The following TRAPPC9 variants were observed in gnomAD, a reference collection of about 807,000 sequenced individuals.
The protein encoded by TRAPPC9 is trafficking protein particle complex subunit 9, also known as IKK2 binding protein.
A neutral mutation model predicts 124.0 loss-of-function variants in TRAPPC9; 83 were observed. The ratio of observed to expected loss-of-function variants is 0.67; its 90% CI spans 0.56 to 0.80. The LOEUF (loss-of-function observed/expected upper bound fraction) is 0.80. Ranked by LOEUF, TRAPPC9 falls within the 30% of genes least tolerant of loss-of-function variation. TRAPPC9 has a pLI of 0.00. For synonymous variants in TRAPPC9, 638 were observed against 617.5 expected, an observed-to-expected ratio of 1.03 and a Z score of -0.49; for missense variants, 1,302 against 1,508.3, an observed-to-expected ratio of 0.86 and a Z score of 2.27.
At chr8:140,119,356 G>A (rs2060945068) in intron 17 of TRAPPC9, among the ~76,000 whole-genome samples, 1 of 152,180 alleles carries the variant, frequency 6.6e-6, no homozygotes, top group Non-Finnish European at 1.5e-5. Context: ...GTCCTTTCAG[G>A]ATGGCCCCTC....
Position 140,192,417 on chromosome 8 carries a change from C to T in TRAPPC9, c.2556+29042G>A, listed in dbSNP as rs565523296. 2.0e-5 allele frequency among the ~76,000 whole-genome samples: 3 copies of T among 152,348 alleles called. No individual in the cohort carries two copies. In the South Asian group the frequency reaches 6.2e-4, roughly 32 times the overall value. On this transcript the variant is annotated intron_variant, in intron 17 of 22. Coordinates refer to ENST00000438773, the MANE Select transcript of TRAPPC9 (RefSeq NM_001160372.4). ...AGAAGAAGTCACTGGCTGACTTCTG[C>T]AGTCAACAGGCCCAATCGTCCACAG...
chr8:140,209,420 CAAGG>C (rs1004242010), intron 17 of TRAPPC9, among the ~76,000 whole-genome samples: 2 of 152,184 alleles, frequency 1.3e-5, no homozygotes, highest in Non-Finnish European at 2.9e-5. Context: ...GACAGGAACT[CAAGG>C]AACAGGCCGT....
intron 21 of TRAPPC9, among the ~76,000 whole-genome samples, chr8:139,739,964 G>A (rs1423830379): frequency 5.3e-5 from 8 of 152,184 alleles, no homozygotes; most frequent in African/African-American, 1.9e-4. Context: ...AGGTTTGAAC[G>A]CTGGCCCCAC....
intron 20 of TRAPPC9, chr8:139,904,680 T>G (rs985012233): frequency 2.0e-5 from 3 of 152,230 alleles, no homozygotes; most frequent in African/African-American, 7.2e-5. Flanking sequence ...CTACCTGCTT[T>G]GCAGGTCTGA....
intron 21 of TRAPPC9, among the ~76,000 whole-genome samples, chr8:139,853,178 C>G (rs567794183): frequency 3.9e-5 from 6 of 152,316 alleles, no homozygotes; most frequent in African/African-American, 1.2e-4. Context: ...CCAGATGGTT[C>G]TGGCCAGCCT....
At chr8:139,844,484 C>T (rs905152467) in intron 21 of TRAPPC9, among the ~76,000 whole-genome samples, 21 of 152,216 alleles carry the variant, frequency 1.4e-4, no homozygotes, top group Non-Finnish European at 2.8e-4. Context: ...ACGGAGGGGC[C>T]GTTAATTTTC....
chr8:140,418,755 T>G (rs188227376), intron 5 of TRAPPC9, among the ~76,000 whole-genome samples: 2 of 150,104 alleles, frequency 1.3e-5, no homozygotes, highest in African/African-American at 4.9e-5. Context: ...GATAGATAGA[T>G]AGATAGATAG....
chr8:140,020,895 T>A (rs1028536436), intron 18 of TRAPPC9, among the ~76,000 whole-genome samples: 12 of 152,232 alleles, frequency 7.9e-5, no homozygotes, highest in African/African-American at 2.9e-4. Context: ...AATTGTCCTC[T>A]TTTTCTCTTG....
intron 19 of TRAPPC9, among the ~76,000 whole-genome samples, chr8:139,970,095 C>G (rs748057724): frequency 6.6e-6 from 1 of 152,190 alleles, no homozygotes; most frequent in Non-Finnish European, 1.5e-5. Context: ...CTGTTTTCTA[C>G]GAGACCTCCT....
In TRAPPC9 at chr8:140,457,582, C is replaced by G. The variant is rs1384183346; in HGVS notation, c.-11+57G>C. 8.1e-6 allele frequency: 8 copies of G among 984,280 alleles called. No homozygotes were observed. In the Admixed American group the frequency reaches 3.1e-4, roughly 38 times the overall value. The allele number at this position is 984,280 out of a possible 1,614,324, so 61.0% of individuals were successfully genotyped here. On this transcript the variant is annotated intron_variant, in intron 1 of 22. Transcript: ENST00000438773. ...GCCGACTCCACGGCCAGCCGCGCAG[C>G]CCTCCCCGCAGCCGGTCCGAATTGC...
chr8:140,439,282 A>C, intron 2 of TRAPPC9, 85 bp from the exon 3 acceptor site: 182 of 1,468,858 alleles, frequency 1.2e-4, no homozygotes, highest in Non-Finnish European at 1.6e-4. Flanking sequence ...CAATTCTCTC[A>C]CTACTAAAAA....
intron 17 of TRAPPC9, among the ~76,000 whole-genome samples, chr8:140,093,377 A>C (rs1046205213): frequency 3.9e-5 from 6 of 152,194 alleles, no homozygotes; most frequent in Non-Finnish European, 7.3e-5. Flanking sequence ...TATTAGAAAC[A>C]AGGCTTCAGG....
intron 20 of TRAPPC9, among the ~76,000 whole-genome samples, chr8:139,886,376 C>T (rs549966127): frequency 6.6e-6 from 1 of 152,236 alleles, no homozygotes; most frequent in African/African-American, 2.4e-5. Context: ...ATGCTGGTTT[C>T]ACGTCGGTCC....
intron 19 of TRAPPC9, among the ~76,000 whole-genome samples, chr8:139,979,607 G>A (rs183685905): frequency 8.1e-4 from 123 of 152,134 alleles, no homozygotes; most frequent in African/African-American, 2.4e-3. Flanking sequence ...AAAGACCCCC[G>A]GGTGATGACA....
intron 7 of TRAPPC9, among the ~76,000 whole-genome samples, chr8:140,371,711 CT>C (rs201087701): frequency 2.7e-5 from 4 of 149,536 alleles, no homozygotes; most frequent in Non-Finnish European, 3.0e-5. Flanking sequence ...TGTTTCTTTT[CT>C]TTTTTTTTTG....
At chr8:140,264,163 G>C (rs2064532132) in intron 15 of TRAPPC9, among the ~76,000 whole-genome samples, 1 of 152,196 alleles carries the variant, frequency 6.6e-6, no homozygotes, top group Admixed American at 6.5e-5. Flanking sequence ...AGCCCAGCAG[G>C]GTGGGTAGCT....
intron 21 of TRAPPC9, among the ~76,000 whole-genome samples, chr8:139,841,158 C>G (rs1171978431): frequency 6.6e-6 from 1 of 152,190 alleles, no homozygotes; most frequent in African/African-American, 2.4e-5. Flanking sequence ...CATCCCCTCG[C>G]CCCCGGCTCC....
At chr8:140,430,171 G>T (rs1327361149) in intron 4 of TRAPPC9, among the ~76,000 whole-genome samples, 1 of 151,666 alleles carries the variant, frequency 6.6e-6, no homozygotes, top group African/African-American at 2.4e-5. Flanking sequence ...AATGTTATCT[G>T]TTACAGTGAT....
At chr8:139,935,707 C>T (rs946904810) in intron 19 of TRAPPC9, among the ~76,000 whole-genome samples, 2 of 144,508 alleles carry the variant, frequency 1.4e-5, no homozygotes. Flanking sequence ...GTTCTAAGCT[C>T]AACTTATTTG....
Sources: gnomAD v4.1 joint callset for allele counts (sites outside exome capture counted in the v4.1 genomes callset) on GRCh38, gnomAD v4.1.1 for gene constraint, MANE v1.5 for transcripts, NCBI Gene and HGNC (gene_info 2026-07-23, HGNC 2026-07-21) for gene names.